Variants in WDSUB1 observed in about 807,000 individuals in gnomAD.
WDSUB1 encodes the protein WD repeat, SAM and U-box domain-containing protein 1.
WDSUB1 carries 49 observed loss-of-function variants against 53.9 expected under a neutral mutation model. That is an observed-to-expected ratio of 0.91 (90% CI 0.72 to 1.15). The LOEUF (loss-of-function observed/expected upper bound fraction) is 1.15. WDSUB1 is among the 50% of genes most tolerant of loss of function. The probability of loss-of-function intolerance (pLI) is 0.00; values close to 1 mark genes in which losing one functional copy is unlikely to be tolerated. For synonymous variants in WDSUB1, 194 were observed against 200.6 expected (o/e 0.97, Z 0.28); for missense variants, 514 against 562.0 (o/e 0.91, Z 0.86).
intron 5 of WDSUB1, among the ~76,000 whole-genome samples, chr2:159,260,842 G>A (rs2061173238): frequency 1.3e-5 from 2 of 152,148 alleles, no homozygotes; most frequent in African/African-American, 4.8e-5. Flanking sequence ...AATACAAGTG[G>A]TACCACACTC....
chr2:159,267,324 A>C (rs1432195554), intron 5 of WDSUB1, among the ~76,000 whole-genome samples: 2 of 148,140 alleles, frequency 1.4e-5, no homozygotes, highest in East Asian at 2.0e-4. Context: ...TTAAAGAGAC[A>C]AGTTCTGACT....
intron 5 of WDSUB1, among the ~76,000 whole-genome samples, chr2:159,261,449 G>C (rs12618383): frequency 0.39 from 59,607 of 152,020 alleles, 13,431 homozygotes; most frequent in Non-Finnish European, 0.54. Context: ...CCAAAATACA[G>C]TGAGAAATAG....
intron 2 of WDSUB1, among the ~76,000 whole-genome samples, chr2:159,281,277 CA>C (rs1345855377): frequency 6.6e-6 from 1 of 152,016 alleles, no homozygotes; most frequent in African/African-American, 2.4e-5. Flanking sequence ...GTCACTCAGT[CA>C]CTCAGGCTGG....
rs566708403 is a variant in WDSUB1, at chr2:159,249,439, T to C, written c.1133-927A>G. Among the ~76,000 whole-genome samples, 15 of 152,308 alleles carry C rather than the reference T, an allele frequency of 9.8e-5. No individual in the cohort carries two copies. The East Asian group carries it at 2.7e-3, about 27-fold the overall frequency. On this transcript the variant is annotated intron_variant, in intron 9 of 10. Coordinates refer to ENST00000359774, the MANE Select transcript of WDSUB1 (RefSeq NM_001128212.3). ...TTGACAGTTCTACTTTAGGTTGAAG[T>C]GGGTAGAAGAATTAGATTTCAGAAT...
At position 159,241,604 on chromosome 2, in the gene WDSUB1, A is replaced by G. The variant is rs76030273; in HGVS notation, c.1274-5414T>C. Among the ~76,000 whole-genome samples the G allele has an allele frequency of 2.7e-3, 403 of 148,072 alleles. 61 individuals carry two copies. The highest frequency in any genetic ancestry group is 0.01 in the African/African-American group (392 of 38,176). ...GACAGCTAAATTGGCAAAAATGACC[A>G]AGCCAAATTTTTTTAAAGATTGGAC... On this transcript the variant is annotated intron_variant, in intron 10 of 10. Transcript: ENST00000359774.
chr2:159,272,021 T>C (rs1418893684), intron 4 of WDSUB1, among the ~76,000 whole-genome samples: 1 of 152,184 alleles, frequency 6.6e-6, no homozygotes, highest in African/African-American at 2.4e-5. Flanking sequence ...TTTTAAAGAA[T>C]TGAAGTAGCT....
chr2:159,236,275 G>T, intron 10 of WDSUB1, 85 bp from the exon 11 acceptor site: 1 of 1,321,928 alleles, frequency 7.6e-7, no homozygotes, highest in Non-Finnish European at 1.0e-6. Context: ...AAAACTCCCT[G>T]CAGAGGCCTT....
intron 5 of WDSUB1, among the ~76,000 whole-genome samples, chr2:159,266,699 T>C (rs959774013): frequency 1.3e-5 from 2 of 152,350 alleles, no homozygotes; most frequent in African/African-American, 4.8e-5. Context: ...GCTTTAGAAG[T>C]TTCAGAAGTT....
intron 10 of WDSUB1, among the ~76,000 whole-genome samples, chr2:159,246,292 C>T (rs186781632): frequency 1.3e-5 from 2 of 151,828 alleles, no homozygotes; most frequent in African/African-American, 2.4e-5. Flanking sequence ...ATTAGCCGGG[C>T]GTGGTGGTGG....
chr2:159,253,806 T>C (rs1379225159), intron 9 of WDSUB1, among the ~76,000 whole-genome samples: 1 of 152,268 alleles, frequency 6.6e-6, no homozygotes, highest in Non-Finnish European at 1.5e-5. Context: ...TTTTGAGGTC[T>C]ATTTTTCTTA....
At position 159,282,892 on chromosome 2, in the gene WDSUB1, A is replaced by T; in HGVS notation, c.178T>A (p.Cys60Ser). The T allele has an allele frequency of 6.2e-7, 1 of 1,614,230 alleles. No individual in the cohort carries two copies. Among genetic ancestry groups the T allele is most frequent in the South Asian group, 1.1e-5 (1 of 91,090 alleles). ...ATATGTCCTGAAGGGGAGAAACAGC[A>T]GCAGTGGACAGCATAGGTATGAAAC... Reference protein sequence around the residue: ...LKFHTYAVHCCCFSPSGHILA... With the variant: ...LKFHTYAVHCSCFSPSGHILA... The change falls in exon 2 of 11, where the codon TGC (cysteine) becomes AGC (serine). Residue 60 changes from cysteine to serine, a missense_variant. Physicochemically the swap from Cys to Ser is moderately radical, Grantham distance 112. Transcript: ENST00000359774.
At chr2:159,277,860 A>T (rs189274006) in intron 3 of WDSUB1, among the ~76,000 whole-genome samples, 1 of 152,310 alleles carries the variant, frequency 6.6e-6, no homozygotes, top group East Asian at 1.9e-4. Context: ...AAAGGAACTA[A>T]AGAAGGCACA....
intron 5 of WDSUB1, among the ~76,000 whole-genome samples, chr2:159,265,100 TAAAAC>T (rs751691251): frequency 7.9e-5 from 10 of 126,046 alleles, no homozygotes; most frequent in Non-Finnish European, 1.5e-4. Flanking sequence ...AAAAAAAAAA[TAAAAC>T]AACAACAACA....
In WDSUB1 at chr2:159,236,093, AAGTACCGCTGAAGG is replaced by A. The variant is rs766786861; in HGVS notation, c.1357_1370del (p.Pro453TyrfsTer4). On this transcript the variant is annotated frameshift_variant, in exon 11 of 11. Transcript: ENST00000359774. LOFTEE classifies it high-confidence loss of function. ...CCATTTTCAGAGTCCTATTTGGTGTAAGTACCGCTGAAGGAAGAACAAGATTTGTCATGGGACTT... is the reference window on the plus strand; with the variant it reads ...CCATTTTCAGAGTCCTATTTGGTGTAAAGAACAAGATTTGTCATGGGACTT... 6 of 1,614,038 alleles carry A rather than the reference AAGTACCGCTGAAGG, an allele frequency of 3.7e-6. No homozygotes were observed. In the South Asian group the frequency reaches 5.5e-5, roughly 15 times the overall value.
At chr2:159,249,613 C>A (rs890406505) in intron 9 of WDSUB1, among the ~76,000 whole-genome samples, 1 of 152,116 alleles carries the variant, frequency 6.6e-6, no homozygotes, top group African/African-American at 2.4e-5. Flanking sequence ...AGAGATAGTG[C>A]GTCCCTCCCT....
intron 10 of WDSUB1, among the ~76,000 whole-genome samples, chr2:159,241,959 C>A (rs1273029667): frequency 6.8e-6 from 1 of 147,504 alleles, no homozygotes; most frequent in Non-Finnish European, 1.5e-5. Flanking sequence ...TGCTATCCTG[C>A]AGATAAGAAT....
chr2:159,257,573 A>G (rs1403506313), intron 8 of WDSUB1, among the ~76,000 whole-genome samples, 185 bp downstream of exon 8: 2 of 151,946 alleles, frequency 1.3e-5, no homozygotes, highest in Non-Finnish European at 2.9e-5. Context: ...TTTTTAGTAG[A>G]GACAGGGTTT....
chr2:159,274,456 CACAG>C (rs1271265043), intron 4 of WDSUB1, among the ~76,000 whole-genome samples: 2 of 152,176 alleles, frequency 1.3e-5, no homozygotes, highest in African/African-American at 4.8e-5. Context: ...ATTAGAATGA[CACAG>C]ACATAGACCT....
intron 5 of WDSUB1, among the ~76,000 whole-genome samples, chr2:159,267,628 A>AC (rs1455221300): frequency 1.3e-5 from 2 of 152,074 alleles, no homozygotes; most frequent in African/African-American, 2.4e-5. Context: ...CTGACCTACA[A>AC]CCACATTCTG....
Sources: allele counts gnomAD v4.1 joint callset (sites outside exome capture counted in the v4.1 genomes callset), GRCh38; gene constraint gnomAD v4.1.1; transcripts MANE v1.5; gene names NCBI Gene and HGNC (gene_info 2026-07-23, HGNC 2026-07-21).